The following RORA variants were observed in gnomAD, a reference collection of about 807,000 sequenced individuals.
The protein encoded by RORA is RAR related orphan receptor A.
RORA carries 7 observed loss-of-function variants against 69.5 expected under a neutral mutation model. The ratio of observed to expected loss-of-function variants is 0.10; its 90% CI spans 0.06 to 0.19. The LOEUF (loss-of-function observed/expected upper bound fraction) is 0.19. Among genes scored for constraint, RORA ranks in the 10% least tolerant of loss-of-function variants. RORA has a pLI of 1.00. For synonymous variants in RORA, 261 were observed against 240.8 expected (o/e 1.08, Z -0.78); for missense variants, 457 against 663.0 (o/e 0.69, Z 3.41).
At chr15:60,950,514 ACC>A (rs1210318840) in intron 1 of RORA, among the ~76,000 whole-genome samples, 14 of 136,392 alleles carry the variant, frequency 1.0e-4, no homozygotes, top group Admixed American at 2.4e-4. Flanking sequence ...AAGAGTCAAG[ACC>A]CATCAGTGTG....
intron 1 of RORA, among the ~76,000 whole-genome samples, chr15:61,077,598 C>G (rs1056447150): frequency 6.6e-6 from 1 of 152,130 alleles, no homozygotes; most frequent in Non-Finnish European, 1.5e-5. Flanking sequence ...AACTGAGAAG[C>G]CTACTGCCAA....
intron 1 of RORA, among the ~76,000 whole-genome samples, chr15:60,910,816 A>G (rs560177029): frequency 1.3e-5 from 2 of 151,708 alleles, no homozygotes; most frequent in South Asian, 2.1e-4. Context: ...AGTCATGTCA[A>G]TATTTAGGAG....
At chr15:60,615,169 A>C (rs2069202515) in intron 2 of RORA, 2 of 1,041,378 alleles carry the variant, frequency 1.9e-6, no homozygotes, top group Admixed American at 2.5e-5. Flanking sequence ...GTGCTAGTGC[A>C]CTTGGCAGAG....
intron 1 of RORA, among the ~76,000 whole-genome samples, chr15:61,044,414 A>T (rs927737669): frequency 6.6e-6 from 1 of 152,180 alleles, no homozygotes; most frequent in Non-Finnish European, 1.5e-5. Context: ...GTGCTAATAC[A>T]GTGGCTACCA....
Position 60,639,216 on chromosome 15 carries a change from T to C in RORA, c.196+39441A>G, listed in dbSNP as rs2069895235. ...GTTCTTTAAACCATAAGCAGGTTTT[T>C]GTATTTTTTTTTTTTTTTTTTTTGC... On this transcript the variant is annotated intron_variant, in intron 2 of 10. Coordinates refer to ENST00000335670, the MANE Select transcript of RORA (RefSeq NM_134261.3). 3.8e-5 allele frequency among the ~76,000 whole-genome samples: 3 copies of C among 79,324 alleles called. No homozygotes were observed. The South Asian group carries it at 1.6e-3, about 43-fold the overall frequency. 52.0% of individuals were successfully genotyped at this position (79,324 alleles called of 152,430 possible).
chr15:60,522,264 A>AC (rs1339592188), intron 3 of RORA, among the ~76,000 whole-genome samples: 60 of 152,324 alleles, frequency 3.9e-4, no homozygotes, highest in African/African-American at 1.3e-3. Flanking sequence ...GAAATACTAT[A>AC]CCATGCTGTG....
intron 1 of RORA, among the ~76,000 whole-genome samples, chr15:60,779,678 T>C (rs2072226416): frequency 6.6e-6 from 1 of 152,244 alleles, no homozygotes; most frequent in South Asian, 2.1e-4. Flanking sequence ...AAGCTGGTGG[T>C]CACTTTGCAG....
chr15:60,560,941 C>G (rs1454807983), intron 2 of RORA, among the ~76,000 whole-genome samples: 1 of 151,852 alleles, frequency 6.6e-6, no homozygotes, highest in Admixed American at 6.6e-5. Flanking sequence ...ACAACCAAGT[C>G]TTTAAAAATG....
At chr15:60,889,325 G>C (rs1160029092) in intron 1 of RORA, among the ~76,000 whole-genome samples, 2 of 130,346 alleles carry the variant, frequency 1.5e-5, no homozygotes, top group African/African-American at 6.0e-5. Context: ...GGTGCTTAGA[G>C]AGAAAGACAG....
chr15:60,810,061 T>C (rs2072720159), intron 1 of RORA, among the ~76,000 whole-genome samples: 1 of 152,168 alleles, frequency 6.6e-6, no homozygotes. Flanking sequence ...CTCTATTTTG[T>C]TGGCTTCCTT....
chr15:61,076,677 C>G (rs1275884448), intron 1 of RORA, among the ~76,000 whole-genome samples: 3 of 152,228 alleles, frequency 2.0e-5, no homozygotes, highest in Non-Finnish European at 2.9e-5. Context: ...TGCCGTGGAT[C>G]ACTGTGCAGA....
chr15:60,849,809 T>C (rs1349501442), intron 1 of RORA, among the ~76,000 whole-genome samples: 1 of 152,122 alleles, frequency 6.6e-6, no homozygotes, highest in African/African-American at 2.4e-5. Context: ...GGGATTTCAG[T>C]TGGGCCCATC....
intron 1 of RORA, among the ~76,000 whole-genome samples, chr15:61,022,188 C>T (rs1895561737): frequency 6.6e-6 from 1 of 152,182 alleles, no homozygotes; most frequent in Middle Eastern, 3.2e-3. Flanking sequence ...TGACTGAGTT[C>T]TCCTGTCTAT....
Position 61,228,960 on chromosome 15 carries a change from G to A in RORA, c.166+93C>T, listed in dbSNP as rs1171746467. On this transcript the variant is annotated intron_variant, in intron 1 of 10. Coordinates refer to ENST00000335670, the MANE Select transcript of RORA (RefSeq NM_134261.3). ...CGCCGCAGGCTCGCGCGCGGCCGCC[G>A]GACCCCGCGCCCCGGGCGCCCGCTC... The A allele has an allele frequency of 2.0e-5, 10 of 496,786 alleles. No individual in the cohort carries two copies. The Admixed American group carries it at 2.7e-4, about 13-fold the overall frequency. 30.8% of individuals were successfully genotyped at this position (496,786 alleles called of 1,614,324 possible).
chr15:61,010,810 G>T (rs1017680568), intron 1 of RORA, among the ~76,000 whole-genome samples: 12 of 152,244 alleles, frequency 7.9e-5, no homozygotes, highest in African/African-American at 2.9e-4. Flanking sequence ...TGGAGATGAG[G>T]ACTGTTGGCT....
At chr15:61,107,454 G>A (rs2078962254) in intron 1 of RORA, among the ~76,000 whole-genome samples, 1 of 152,020 alleles carries the variant, frequency 6.6e-6, no homozygotes, top group Non-Finnish European at 1.5e-5. Context: ...TGGGCAAGTT[G>A]GTAGGAACGT....
At chr15:60,967,418 A>C (rs1215264137) in intron 1 of RORA, among the ~76,000 whole-genome samples, 1 of 152,214 alleles carries the variant, frequency 6.6e-6, no homozygotes, top group Non-Finnish European at 1.5e-5. Flanking sequence ...GAATGGAGCT[A>C]GGAGGGACAG....
chr15:60,518,708 C>T (rs2141373854), intron 3 of RORA, among the ~76,000 whole-genome samples: 1 of 152,360 alleles, frequency 6.6e-6, no homozygotes, highest in South Asian at 2.1e-4. Context: ...GCTACTTATC[C>T]TAATCCTGCT....
intron 1 of RORA, among the ~76,000 whole-genome samples, chr15:61,060,090 G>A (rs2078161200): frequency 6.6e-6 from 1 of 152,112 alleles, no homozygotes; most frequent in African/African-American, 2.4e-5. Context: ...CTAGTTCCAT[G>A]GAGGTGGAGG....
Sources: allele counts gnomAD v4.1 joint callset (sites outside exome capture counted in the v4.1 genomes callset), GRCh38; gene constraint gnomAD v4.1.1; transcripts MANE v1.5; gene names NCBI Gene and HGNC (gene_info 2026-07-23, HGNC 2026-07-21).